Variants in AIM2 observed in about 807,000 individuals in gnomAD.
AIM2 encodes absent in melanoma 2.
Under a neutral mutation model 27.7 loss-of-function variants are expected in AIM2, and 30 were observed. The observed-to-expected ratio is 1.08, with a 90% CI of 0.81 to 1.47. The LOEUF (loss-of-function observed/expected upper bound fraction) is 1.47. Among genes scored for constraint, AIM2 ranks in the 40% most tolerant of loss-of-function variants. The probability of loss-of-function intolerance (pLI) is 0.00; values close to 1 mark genes in which losing one functional copy is unlikely to be tolerated. For synonymous variants in AIM2, 141 were observed against 145.3 expected (o/e 0.97, Z 0.21); for missense variants, 358 against 411.3 (o/e 0.87, Z 1.12).
At chr1:159,098,944 G>T (rs148887964) in intron 1 of AIM2, among the ~76,000 whole-genome samples, 161 of 152,082 alleles carry the variant, frequency 1.1e-3, no homozygotes, top group African/African-American at 3.7e-3. Context: ...CACTGAAAAG[G>T]TAGGACTCGG....
At chr1:159,134,903 CTG>C (rs1490701812) in intron 1 of AIM2, among the ~76,000 whole-genome samples, 1 of 152,178 alleles carries the variant, frequency 6.6e-6, no homozygotes, top group African/African-American at 2.4e-5. Context: ...TTCATTTATG[CTG>C]TCTCTTTATA....
At chr1:159,111,614 T>C (rs945891215) in intron 1 of AIM2, among the ~76,000 whole-genome samples, 2 of 151,922 alleles carry the variant, frequency 1.3e-5, no homozygotes, top group East Asian at 1.9e-4. Flanking sequence ...AGAAAATATA[T>C]ATAAAGATTG....
intron 1 of AIM2, among the ~76,000 whole-genome samples, chr1:159,088,008 T>A (rs917617482): frequency 6.6e-6 from 1 of 152,208 alleles, no homozygotes; most frequent in African/African-American, 2.4e-5. Flanking sequence ...CTTTCCTGTT[T>A]CTCATTTAAC....
intron 3 of AIM2, among the ~76,000 whole-genome samples, chr1:159,067,414 GA>G (rs1333715957): frequency 6.6e-6 from 1 of 152,174 alleles, no homozygotes; most frequent in Non-Finnish European, 1.5e-5. Flanking sequence ...AAAACAAACA[GA>G]GGCATAAAAA....
chr1:159,106,943 T>C (rs1657462543), intron 1 of AIM2, among the ~76,000 whole-genome samples: 1 of 152,212 alleles, frequency 6.6e-6, no homozygotes, highest in African/African-American at 2.4e-5. Context: ...CCAATGTCAA[T>C]ACCTTTTACT....
At chr1:159,062,924 T>G (rs1192030611) in intron 5 of AIM2, among the ~76,000 whole-genome samples, 2 of 152,118 alleles carry the variant, frequency 1.3e-5, no homozygotes, top group Non-Finnish European at 2.9e-5. Flanking sequence ...CTTAGCAAGG[T>G]CACATACGCA....
At chr1:159,094,847 C>G (rs915186745) in intron 1 of AIM2, among the ~76,000 whole-genome samples, 1 of 152,046 alleles carries the variant, frequency 6.6e-6, no homozygotes, top group Non-Finnish European at 1.5e-5. Context: ...TGTCATTTTA[C>G]CTTTTTGCTT....
chr1:159,103,430 T>C (rs1471956527), intron 1 of AIM2, among the ~76,000 whole-genome samples: 1 of 151,922 alleles, frequency 6.6e-6, no homozygotes, highest in Admixed American at 6.6e-5. Context: ...ACAATATTCC[T>C]CAGCTTAGTG....
At chr1:159,102,356 C>A (rs1353654167) in intron 1 of AIM2, among the ~76,000 whole-genome samples, 1 of 152,228 alleles carries the variant, frequency 6.6e-6, no homozygotes, top group Admixed American at 6.5e-5. Context: ...AGAGGCAAAG[C>A]CCTCATGGAG....
chr1:159,131,264 G>C (rs1246324384), intron 1 of AIM2, among the ~76,000 whole-genome samples: 1 of 152,078 alleles, frequency 6.6e-6, no homozygotes, highest in Non-Finnish European at 1.5e-5. Flanking sequence ...ATGAACTAAT[G>C]CTATTTTCCT....
intron 1 of AIM2, among the ~76,000 whole-genome samples, chr1:159,092,716 T>C (rs1657074512): frequency 6.6e-6 from 1 of 152,144 alleles, no homozygotes; most frequent in African/African-American, 2.4e-5. Flanking sequence ...AAGGTGTAAG[T>C]AGAGGAGTCA....
At chr1:159,141,664 C>T (rs775788481), upstream of AIM2, among the ~76,000 whole-genome samples, 3 of 152,070 alleles carry the variant, frequency 2.0e-5, no homozygotes, top group Admixed American at 6.5e-5. Context: ...CCAGCGCGCT[C>T]GTCCATTGCG....
intron 1 of AIM2, among the ~76,000 whole-genome samples, chr1:159,140,056 C>T (rs559858132): frequency 8.5e-5 from 13 of 152,244 alleles, no homozygotes; most frequent in African/African-American, 2.9e-4. Context: ...CCCCTTCCCC[C>T]ACCACTACCA....
intron 1 of AIM2, among the ~76,000 whole-genome samples, chr1:159,091,580 G>A (rs1311489426): frequency 2.6e-5 from 4 of 152,206 alleles, no homozygotes; most frequent in South Asian, 2.1e-4. Flanking sequence ...AAGTGCAATC[G>A]TTACATTATC....
At chr1:159,087,986 T>G (rs1392904823) in intron 1 of AIM2, among the ~76,000 whole-genome samples, 4 of 152,206 alleles carry the variant, frequency 2.6e-5, no homozygotes, top group African/African-American at 9.6e-5. Flanking sequence ...ATTTTTCAGT[T>G]TATTCTTGCT....
intron 1 of AIM2, 122 bp from the exon 2 acceptor site, chr1:159,073,641 A>T (rs1334403049): frequency 1.0e-6 from 1 of 991,862 alleles, no homozygotes; most frequent in Non-Finnish European, 1.4e-6. Context: ...AGTAAAAGAG[A>T]TTTGAGTAGG....
the AIM2 span, among the ~76,000 whole-genome samples, chr1:159,055,568 G>A: frequency 1.3e-5 from 2 of 152,174 alleles, no homozygotes; most frequent in South Asian, 4.1e-4. Flanking sequence ...CTGGTTTTAT[G>A]CATTTCCTCA....
chr1:159,118,549 A>C (rs1399792665), intron 1 of AIM2, among the ~76,000 whole-genome samples: 1 of 152,174 alleles, frequency 6.6e-6, no homozygotes, highest in Non-Finnish European at 1.5e-5. Flanking sequence ...TGACAGTTTT[A>C]TTTTAAAGGG....
chr1:159,098,638 G>A (rs1052985090), intron 1 of AIM2, among the ~76,000 whole-genome samples: 1 of 152,146 alleles, frequency 6.6e-6, no homozygotes, highest in Non-Finnish European at 1.5e-5. Flanking sequence ...GAAAAACACG[G>A]GATGCTGAAG....
Sources: allele counts gnomAD v4.1 joint callset (sites outside exome capture counted in the v4.1 genomes callset), GRCh38; gene constraint gnomAD v4.1.1; transcripts MANE v1.5; gene names NCBI Gene and HGNC (gene_info 2026-07-23, HGNC 2026-07-21).